The following CDH4 variants were observed in gnomAD, a reference collection of about 807,000 sequenced individuals.
CDH4 encodes cadherin 4, also known as cadherin-4.
Under a neutral mutation model 86.0 loss-of-function variants are expected in CDH4, and 33 were observed. That is an observed-to-expected ratio of 0.38 (90% CI 0.29 to 0.51). The LOEUF (loss-of-function observed/expected upper bound fraction) is 0.51, where lower values mean the gene tolerates loss of function less well. Ranked by LOEUF, CDH4 falls within the 20% of genes least tolerant of loss-of-function variation. CDH4 has a pLI of 0.86. For missense variants in CDH4, 1,114 were observed against 1,307.4 expected (o/e 0.85, Z 2.28); for synonymous variants, 555 against 549.4 (o/e 1.01, Z -0.14).
At chr20:61,390,550 T>C (rs1432979119) in intron 2 of CDH4, among the ~76,000 whole-genome samples, 1 of 148,122 alleles carries the variant, frequency 6.8e-6, no homozygotes, top group Non-Finnish European at 1.5e-5. Flanking sequence ...CATAGCGCCA[T>C]GTCTAGGAAA....
At chr20:61,776,627 G>A (rs1223858353) in intron 4 of CDH4, among the ~76,000 whole-genome samples, 1 of 152,228 alleles carries the variant, frequency 6.6e-6, no homozygotes, top group African/African-American at 2.4e-5. Context: ...AGGCAGTGAG[G>A]TGGGTGCGTG....
chr20:61,798,149 G>A (rs13433338), intron 4 of CDH4, among the ~76,000 whole-genome samples: 1,780 of 151,960 alleles, frequency 0.012, 23 homozygotes, highest in Non-Finnish European at 0.017. Flanking sequence ...CTCACCCTGC[G>A]CCTCTCCTGA....
rs568362865 is a variant in CDH4 at position 61,564,767 on chromosome 20, C to T, written c.170-178796C>T. Among the ~76,000 whole-genome samples, 22 of 152,226 alleles carry T rather than the reference C, an allele frequency of 1.4e-4. No individual in the cohort carries two copies. The East Asian group carries it at 3.5e-3, about 24-fold the overall frequency. On this transcript the variant is annotated intron_variant, in intron 2 of 15. Transcript: ENST00000614565. ...AATTCCAGTGGACACGAGCTGGGATCGGGAAGGAATAGAAGGTGGGTCTGA... is the reference window on the plus strand; with the variant it reads ...AATTCCAGTGGACACGAGCTGGGATTGGGAAGGAATAGAAGGTGGGTCTGA...
chr20:61,806,075 G>A (rs1339642889), intron 4 of CDH4, among the ~76,000 whole-genome samples: 1 of 152,214 alleles, frequency 6.6e-6, no homozygotes, highest in East Asian at 1.9e-4. Flanking sequence ...ATTGTGGTTC[G>A]GGGCACATTT....
At chr20:61,421,784 G>T (rs563503798) in intron 2 of CDH4, among the ~76,000 whole-genome samples, 70 of 152,328 alleles carry the variant, frequency 4.6e-4, no homozygotes, top group African/African-American at 1.6e-3. Flanking sequence ...CCCATCATTT[G>T]TCCAGCGCTG....
At chr20:61,302,005 A>T (rs1250410233) in intron 2 of CDH4, among the ~76,000 whole-genome samples, 1 of 152,250 alleles carries the variant, frequency 6.6e-6, no homozygotes, top group East Asian at 1.9e-4. Context: ...AAACGTCTCC[A>T]GGTAGACTTA....
intron 4 of CDH4, among the ~76,000 whole-genome samples, chr20:61,792,675 G>T (rs946847368): frequency 6.6e-6 from 1 of 151,262 alleles, no homozygotes; most frequent in Non-Finnish European, 1.5e-5. Flanking sequence ...TTTGAGATGG[G>T]GTCTTGCTCT....
intron 7 of CDH4, among the ~76,000 whole-genome samples, chr20:61,885,788 C>T (rs754814735): frequency 2.0e-5 from 3 of 152,202 alleles, no homozygotes; most frequent in Non-Finnish European, 4.4e-5. Context: ...CCGGACAGAC[C>T]CCAGGTGCTG....
intron 2 of CDH4, among the ~76,000 whole-genome samples, chr20:61,296,895 C>T (rs977733184): frequency 1.5e-4 from 23 of 152,042 alleles, no homozygotes; most frequent in South Asian, 8.3e-4. Context: ...AGGTGGGGGA[C>T]GATGGATGCC....
intron 4 of CDH4, among the ~76,000 whole-genome samples, chr20:61,803,912 T>A (rs554737612): frequency 6.6e-6 from 1 of 152,376 alleles, no homozygotes; most frequent in South Asian, 2.1e-4. Context: ...CGGCCCCCGC[T>A]GCGTCTGCTT....
intron 2 of CDH4, among the ~76,000 whole-genome samples, chr20:61,314,681 T>G (rs185237746): frequency 4.0e-4 from 61 of 152,310 alleles, no homozygotes; most frequent in Non-Finnish European, 7.4e-5. Context: ...CCTTTAATGT[T>G]CTGAGGAACC....
At chr20:61,371,536 C>G (rs543920861) in intron 2 of CDH4, among the ~76,000 whole-genome samples, 2 of 152,384 alleles carry the variant, frequency 1.3e-5, no homozygotes, top group South Asian at 2.1e-4. Context: ...ATTCCCCAGA[C>G]AGCTCGTTTT....
intron 2 of CDH4, among the ~76,000 whole-genome samples, chr20:61,284,089 A>G (rs1256589249): frequency 6.6e-6 from 1 of 151,686 alleles, no homozygotes; most frequent in Non-Finnish European, 1.5e-5. Flanking sequence ...GTGGATCACA[A>G]GGTCAGGAGA....
chr20:61,408,952 A>G (rs2085099355), intron 2 of CDH4, among the ~76,000 whole-genome samples: 1 of 152,188 alleles, frequency 6.6e-6, no homozygotes, highest in East Asian at 1.9e-4. Flanking sequence ...TTTTGGAGAC[A>G]CTGACTCTGC....
intron 2 of CDH4, among the ~76,000 whole-genome samples, chr20:61,537,470 TG>T (rs1176501672): frequency 1.3e-5 from 2 of 152,136 alleles, no homozygotes; most frequent in Admixed American, 6.6e-5. Context: ...GGCAGGGAGC[TG>T]GGGACCGCAA....
At chr20:61,553,342 G>T (rs78805984) in intron 2 of CDH4, among the ~76,000 whole-genome samples, 4,007 of 152,336 alleles carry the variant, frequency 0.026, 179 homozygotes, top group African/African-American at 0.092. Context: ...CAATGAAAAT[G>T]TACTGGGTTA....
chr20:61,423,900 C>T (rs2085194343), intron 2 of CDH4, among the ~76,000 whole-genome samples: 1 of 152,206 alleles, frequency 6.6e-6, no homozygotes, highest in African/African-American at 2.4e-5. Flanking sequence ...TACCTTGTCA[C>T]TCCCTGTGCG....
chr20:61,567,271 T>C (rs1180500488), intron 2 of CDH4, among the ~76,000 whole-genome samples: 1 of 152,148 alleles, frequency 6.6e-6, no homozygotes, highest in Non-Finnish European at 1.5e-5. Context: ...GTTACCTTAG[T>C]CTATTTAGGC....
rs1600853090 is a variant in CDH4 at position 61,663,811 on chromosome 20, G to T, written c.170-79752G>T. Among the ~76,000 whole-genome samples, 1 of 152,182 alleles carries T rather than the reference G, an allele frequency of 6.6e-6. No homozygotes were observed. Among genetic ancestry groups the T allele is most frequent in the East Asian group, 1.9e-4 (1 of 5,180 alleles). ...ACAATGTGGGCACCACTGAACACGG[G>T]GTAAACCAATCACCAGTCACTCCCA... On this transcript the variant is annotated intron_variant, in intron 2 of 15. Transcript: ENST00000614565. The surrounding 1 kb of genome is among the most constrained non-coding windows in gnomAD (Gnocchi z 5.0).
Sources: allele counts gnomAD v4.1 joint callset (sites outside exome capture counted in the v4.1 genomes callset), GRCh38; gene constraint gnomAD v4.1.1; non-coding constraint Gnocchi (gnomAD v3.1); transcripts MANE v1.5; gene names NCBI Gene and HGNC (gene_info 2026-07-23, HGNC 2026-07-21).